Variants in SCGB2B2 observed in about 807,000 individuals in gnomAD.
The protein encoded by SCGB2B2 is secretoglobin family 2B member 2.
A neutral mutation model predicts 7.6 loss-of-function variants in SCGB2B2; 11 were observed. The observed-to-expected ratio is 1.45, with a 90% CI of 0.91 to 2.40. The LOEUF is 2.40. Among genes scored for constraint, SCGB2B2 ranks in the 30% most tolerant of loss-of-function variants. The pLI is 0.00. For missense variants in SCGB2B2, 104 were observed against 115.4 expected (o/e 0.90, Z 0.45); for synonymous variants, 50 against 48.6 (o/e 1.03, Z -0.12).
At position 34,594,543 on chromosome 19, in the gene SCGB2B2, G is replaced by T. The variant is rs777033719; in HGVS notation, c.21C>A (p.Thr7=). The T allele has an allele frequency of 1.9e-6, 3 of 1,613,080 alleles. No individual in the cohort carries two copies. The South Asian group carries it at 3.3e-5, about 18-fold the overall frequency. The change falls in exon 2 of 4, where the codon ACC becomes ACA. Residue 7 remains threonine (T), a synonymous_variant. Coordinates refer to ENST00000601241, the MANE Select transcript of SCGB2B2 (RefSeq NM_001025591.4). MRVTSA[T]CALLLALICS... ...AGATCAGAGCCAGCAGAAGAGCACA[G>T]GTGGCGGATGTCACCCTCATGACAG... is the stretch of plus-strand genomic sequence containing the variant.
At chr19:34,657,571 C>A (rs1305713188) in intron 1 of SCGB2B2, among the ~76,000 whole-genome samples, 1 of 152,034 alleles carries the variant, frequency 6.6e-6, no homozygotes, top group Non-Finnish European at 1.5e-5. Flanking sequence ...TATATATGCA[C>A]CCAATGCAGG....
chr19:34,603,406 T>C (rs1357005754), intron 1 of SCGB2B2, among the ~76,000 whole-genome samples: 2 of 152,254 alleles, frequency 1.3e-5, no homozygotes, highest in African/African-American at 4.8e-5. Context: ...AGGAAAGTCA[T>C]TGCCTTGCTT....
intron 1 of SCGB2B2, among the ~76,000 whole-genome samples, chr19:34,623,442 C>T (rs1045746243): frequency 2.6e-5 from 4 of 152,170 alleles, no homozygotes; most frequent in Admixed American, 6.5e-5. Context: ...GTAGAAAGGG[C>T]GTCCTCCTTC....
intron 1 of SCGB2B2, among the ~76,000 whole-genome samples, chr19:34,598,104 C>G (rs916380719): frequency 2.6e-5 from 4 of 152,154 alleles, no homozygotes; most frequent in African/African-American, 9.7e-5. Context: ...GAAGTGGAGG[C>G]AGCAAGAATG....
intron 1 of SCGB2B2, among the ~76,000 whole-genome samples, chr19:34,647,167 G>T (rs2067043306): frequency 6.6e-6 from 1 of 152,188 alleles, no homozygotes; most frequent in Non-Finnish European, 1.5e-5. Flanking sequence ...ATGAAGCCAT[G>T]GGGGTCTCTG....
Position 34,638,149 on chromosome 19 carries a change from T to C in SCGB2B2, c.-2032+37481A>G, listed in dbSNP as rs543331969. On this transcript the variant is annotated intron_variant, in intron 1 of 3. Coordinates refer to ENST00000601241, the MANE Select transcript of SCGB2B2 (RefSeq NM_001025591.4). ...GGAAAGGTCAAAAGGACAAATGGCA[T>C]TTTGAAACTGAAATTGGGCTGGGTG... 1.3e-3 allele frequency: 203 copies of C among 152,300 alleles called. 1 individual carries two copies. The highest frequency in any genetic ancestry group is 1.9e-3 in the Non-Finnish European group (132 of 68,050). The allele number at this position is 152,300 out of a possible 1,614,324, so 9.4% of individuals were successfully genotyped here.
chr19:34,637,964 A>G (rs540883496), intron 1 of SCGB2B2, among the ~76,000 whole-genome samples: 8 of 152,346 alleles, frequency 5.3e-5, no homozygotes, highest in African/African-American at 1.9e-4. Flanking sequence ...AAGTCATTAG[A>G]AAGTTATTAG....
chr19:34,602,969 T>A (rs1487959339), intron 1 of SCGB2B2, among the ~76,000 whole-genome samples: 2 of 152,142 alleles, frequency 1.3e-5, no homozygotes, highest in African/African-American at 4.8e-5. Flanking sequence ...AAGGTTAGAG[T>A]GGTTTCCTCA....
intron 1 of SCGB2B2, among the ~76,000 whole-genome samples, chr19:34,620,938 A>C (rs772623544): frequency 3.3e-5 from 5 of 152,226 alleles, no homozygotes; most frequent in Non-Finnish European, 5.9e-5. Flanking sequence ...AATACTTGAA[A>C]TCAGTAATTA....
At chr19:34,641,553 G>A (rs1207523408) in intron 1 of SCGB2B2, among the ~76,000 whole-genome samples, 3 of 152,166 alleles carry the variant, frequency 2.0e-5, no homozygotes, top group Non-Finnish European at 4.4e-5. Context: ...TTGGAGTTTC[G>A]TTTTGGAATT....
chr19:34,637,614 A>C (rs1365853065), intron 1 of SCGB2B2: 1 of 161,292 alleles, frequency 6.2e-6, no homozygotes, highest in Non-Finnish European at 1.5e-5. Flanking sequence ...CATAAAAAAA[A>C]AATGGCTGGG....
chr19:34,658,821 A>AC (rs918622589), intron 1 of SCGB2B2, among the ~76,000 whole-genome samples: 1 of 127,466 alleles, frequency 7.8e-6, no homozygotes, highest in Non-Finnish European at 1.8e-5. Flanking sequence ...AACAAAAAAA[A>AC]AAAAAAAAAA....
chr19:34,632,559 C>T (rs2066563644), intron 1 of SCGB2B2, among the ~76,000 whole-genome samples: 1 of 152,204 alleles, frequency 6.6e-6, no homozygotes, highest in East Asian at 1.9e-4. Context: ...TACCACTACA[C>T]ACCAAATGAG....
chr19:34,587,816 T>C (rs758198009), downstream of SCGB2B2, among the ~76,000 whole-genome samples: 2 of 152,234 alleles, frequency 1.3e-5, no homozygotes, highest in African/African-American at 2.4e-5. Flanking sequence ...ATTCTGTTGA[T>C]GTGATGTGTC....
intron 1 of SCGB2B2, among the ~76,000 whole-genome samples, chr19:34,663,741 G>C (rs547187563): frequency 6.6e-6 from 1 of 152,094 alleles, no homozygotes; most frequent in Non-Finnish European, 1.5e-5. Flanking sequence ...AAAGATGAGA[G>C]GCCATGGGAG....
At chr19:34,657,418 A>G (rs975510773) in intron 1 of SCGB2B2, among the ~76,000 whole-genome samples, 1 of 150,990 alleles carries the variant, frequency 6.6e-6, no homozygotes, top group Non-Finnish European at 1.5e-5. Flanking sequence ...CTACCAAGCA[A>G]ATGGAAAGCA....
intron 1 of SCGB2B2, among the ~76,000 whole-genome samples, chr19:34,648,995 C>G (rs551488315): frequency 6.6e-6 from 1 of 152,074 alleles, no homozygotes; most frequent in Non-Finnish European, 1.5e-5. Context: ...CTCCGGCTCC[C>G]GGGTTCAAGC....
downstream of SCGB2B2, among the ~76,000 whole-genome samples, chr19:34,586,345 A>G (rs567026736): frequency 4.9e-4 from 75 of 152,370 alleles, no homozygotes; most frequent in African/African-American, 1.8e-3. Flanking sequence ...TGCAAAAATC[A>G]GAACCACCAT....
downstream of SCGB2B2, among the ~76,000 whole-genome samples, chr19:34,588,214 T>C (rs1457284305): frequency 2.0e-5 from 3 of 152,244 alleles, no homozygotes; most frequent in African/African-American, 7.2e-5. Context: ...TTGTAATTGG[T>C]CTGTTCAAAA....
Sources: allele counts gnomAD v4.1 joint callset (sites outside exome capture counted in the v4.1 genomes callset), GRCh38; gene constraint gnomAD v4.1.1; transcripts MANE v1.5; gene names NCBI Gene and HGNC (gene_info 2026-07-23, HGNC 2026-07-21).